Variants in DNAJC5B observed in about 807,000 individuals in gnomAD.
DNAJC5B encodes DnaJ heat shock protein family (Hsp40) member C5 beta.
A neutral mutation model predicts 24.7 loss-of-function variants in DNAJC5B; 23 were observed. The ratio of observed to expected loss-of-function variants is 0.93; its 90% CI spans 0.67 to 1.32. The LOEUF (loss-of-function observed/expected upper bound fraction) is 1.32. Ranked by LOEUF, DNAJC5B falls within the 40% of genes most tolerant of loss-of-function variation. The pLI is 0.00. For missense variants in DNAJC5B, 238 were observed against 240.8 expected, an observed-to-expected ratio of 0.99 and a Z score of 0.08; for synonymous variants, 101 against 90.1, an observed-to-expected ratio of 1.12 and a Z score of -0.68.
In DNAJC5B at chr8:66,043,534, ACT is replaced by A. The variant is rs1189053350; in HGVS notation, c.-92_-91del. 6.6e-6 allele frequency: 1 copy of A among 152,078 alleles called. No individual in the cohort carries two copies. The highest frequency in any genetic ancestry group is 2.4e-5 in the African/African-American group (1 of 41,372). The allele number at this position is 152,078 out of a possible 1,614,324, so 9.4% of individuals were successfully genotyped here. On this transcript the variant is annotated 5_prime_UTR_variant, in exon 2 of 6. It introduces an in-frame stop codon into an upstream open reading frame of the 5' UTR. Coordinates refer to ENST00000276570, the MANE Select transcript of DNAJC5B (RefSeq NM_033105.6). ...AAAGTAACAAATGAAAAGTAACCTG[ACT>A]CTATTGACCTGCTTAACCCTGCATG...
rs578158738 is a variant in DNAJC5B at position 66,084,965 on chromosome 8, G to A, written c.505+4417G>A. On this transcript the variant is annotated intron_variant, in intron 5 of 5. Coordinates refer to ENST00000276570, the MANE Select transcript of DNAJC5B (RefSeq NM_033105.6). Reference sequence around the variant, plus strand: ...TATGTTTAACATTTAGATTTATGACGCATTTTGAGTTAACTTTCATATAAG... The same window carrying A: ...TATGTTTAACATTTAGATTTATGACACATTTTGAGTTAACTTTCATATAAG... Among the ~76,000 whole-genome samples, 8 of 151,836 alleles carry A rather than the reference G, an allele frequency of 5.3e-5. No individual in the cohort carries two copies. In the East Asian group the frequency reaches 9.7e-4, roughly 18 times the overall value.
intron 1 of DNAJC5B, among the ~76,000 whole-genome samples, chr8:66,030,900 G>C (rs192562447): frequency 6.6e-6 from 1 of 152,326 alleles, no homozygotes; most frequent in African/African-American, 2.4e-5. Context: ...TCCTCCCAAA[G>C]TGCTGAAATT....
At chr8:66,063,734 T>G (rs1181595400) in intron 3 of DNAJC5B, among the ~76,000 whole-genome samples, 1 of 152,234 alleles carries the variant, frequency 6.6e-6, no homozygotes, top group Non-Finnish European at 1.5e-5. Flanking sequence ...TATTTAGTAT[T>G]GGATAATTAT....
upstream of DNAJC5B, among the ~76,000 whole-genome samples, chr8:66,020,778 C>T (rs1431041664): frequency 6.6e-6 from 1 of 152,102 alleles, no homozygotes; most frequent in Non-Finnish European, 1.5e-5. Flanking sequence ...GTTAGAACTA[C>T]AGGCACGCAC....
chr8:66,016,314 A>G, the DNAJC5B span, among the ~76,000 whole-genome samples: 2 of 152,102 alleles, frequency 1.3e-5, no homozygotes, highest in African/African-American at 4.8e-5. Flanking sequence ...TCCGGTGGGA[A>G]GTGATTGGAT....
intron 5 of DNAJC5B, 62 bp from the exon 6 acceptor site, chr8:66,099,875 G>T (rs1387596741): frequency 1.4e-6 from 2 of 1,447,544 alleles, no homozygotes; most frequent in African/African-American, 1.4e-5. Flanking sequence ...CCTATCACTT[G>T]CTTCATTAAA....
At chr8:66,046,244 A>G (rs1806720180) in intron 2 of DNAJC5B, among the ~76,000 whole-genome samples, 1 of 152,110 alleles carries the variant, frequency 6.6e-6, no homozygotes, top group African/African-American at 2.4e-5. Flanking sequence ...CTACTTTCCT[A>G]ACTAACCCCT....
At chr8:66,046,929 C>T (rs918486183) in intron 2 of DNAJC5B, among the ~76,000 whole-genome samples, 2 of 152,228 alleles carry the variant, frequency 1.3e-5, no homozygotes, top group South Asian at 2.1e-4. Context: ...AATAGCTATC[C>T]TTGGATGAAG....
chr8:66,027,105 A>G (rs1806262387), intron 1 of DNAJC5B, among the ~76,000 whole-genome samples: 1 of 152,138 alleles, frequency 6.6e-6, no homozygotes, highest in Non-Finnish European at 1.5e-5. Context: ...TGAAAGCTAC[A>G]AGTTGTGGTC....
At chr8:66,026,964 C>T (rs1806258878) in intron 1 of DNAJC5B, among the ~76,000 whole-genome samples, 1 of 152,156 alleles carries the variant, frequency 6.6e-6, no homozygotes. Context: ...ATATGGGGTA[C>T]AAGTGCAATT....
chr8:66,039,169 C>T (rs1586071042), intron 1 of DNAJC5B, among the ~76,000 whole-genome samples: 1 of 152,150 alleles, frequency 6.6e-6, no homozygotes, highest in South Asian at 2.1e-4. Flanking sequence ...CCTGGAATTA[C>T]AAGCTCCTGA....
chr8:66,094,732 T>C (rs556972179), intron 5 of DNAJC5B, among the ~76,000 whole-genome samples: 19 of 152,140 alleles, frequency 1.2e-4, no homozygotes, highest in Non-Finnish European at 2.6e-4. Context: ...GGTTGCATCA[T>C]AATTAGTAGG....
intron 3 of DNAJC5B, among the ~76,000 whole-genome samples, chr8:66,053,916 AC>A (rs1806908095): frequency 6.7e-6 from 1 of 148,464 alleles, no homozygotes; most frequent in South Asian, 2.1e-4. Flanking sequence ...GGCGTGAGCC[AC>A]CGTGCCTGGC....
Position 66,077,016 on chromosome 8 carries a change from A to G in DNAJC5B, c.333+143A>G, listed in dbSNP as rs192697400. 3.8e-4 allele frequency: 294 copies of G among 781,532 alleles called. 1 individual carries two copies. The East Asian group carries it at 7.5e-3, about 20-fold the overall frequency. 48.4% of individuals were successfully genotyped at this position (781,532 alleles called of 1,614,324 possible). A position where few individuals can be genotyped will look rare whatever the true frequency, so the allele number is the denominator to read the frequency against. ...GGAGATATTGCTTCCACTGAATGCT[A>G]TTATTTAGGATCATTTCTGGTTTAG... On this transcript the variant is annotated intron_variant, in intron 4 of 5. Coordinates refer to ENST00000276570, the MANE Select transcript of DNAJC5B (RefSeq NM_033105.6).
At chr8:66,017,724 T>C (rs917067917), upstream of DNAJC5B, among the ~76,000 whole-genome samples, 4 of 152,224 alleles carry the variant, frequency 2.6e-5, no homozygotes, top group Admixed American at 6.5e-5. Flanking sequence ...GAAATCAAAT[T>C]AATGCAGGCC....
chr8:66,030,333 G>T (rs1806332940), intron 1 of DNAJC5B, among the ~76,000 whole-genome samples: 1 of 152,162 alleles, frequency 6.6e-6, no homozygotes, highest in Non-Finnish European at 1.5e-5. Context: ...CAAAGTCATG[G>T]CCTGTACAAC....
chr8:66,070,918 T>C (rs199554308), intron 3 of DNAJC5B, among the ~76,000 whole-genome samples: 3 of 152,088 alleles, frequency 2.0e-5, no homozygotes, highest in African/African-American at 7.2e-5. Context: ...ATCATCTGAT[T>C]TTTGACAGAC....
At chr8:66,094,274 A>G (rs942752275) in intron 5 of DNAJC5B, among the ~76,000 whole-genome samples, 1 of 152,126 alleles carries the variant, frequency 6.6e-6, no homozygotes, top group Admixed American at 6.5e-5. Flanking sequence ...AACAGGTAGA[A>G]TTGACACCTT....
intron 1 of DNAJC5B, among the ~76,000 whole-genome samples, chr8:66,036,494 G>C: frequency 6.6e-6 from 1 of 152,238 alleles, no homozygotes; most frequent in Middle Eastern, 3.4e-3. Context: ...CCAAGAGGGC[G>C]GCGTCCTCTC....
Sources: gnomAD v4.1 joint callset for allele counts (sites outside exome capture counted in the v4.1 genomes callset) on GRCh38, gnomAD v4.1.1 for gene constraint, MANE v1.5 for transcripts, NCBI Gene and HGNC (gene_info 2026-07-23, HGNC 2026-07-21) for gene names.